Variants in UBE2O observed in about 807,000 individuals in gnomAD.
The protein encoded by UBE2O is ubiquitin conjugating enzyme E2 O, also known as (E3-independent) E2 ubiquitin-conjugating enzyme.
In UBE2O, 15 loss-of-function variants were observed where a neutral mutation model predicts 125.8. The ratio of observed to expected loss-of-function variants is 0.12; its 90% CI spans 0.08 to 0.18. The LOEUF is 0.18. Ranked by LOEUF, UBE2O falls within the 10% of genes least tolerant of loss-of-function variation. The pLI is 1.00. For missense variants in UBE2O, 1,280 were observed against 1,723.6 expected (o/e 0.74, Z 4.56); for synonymous variants, 708 against 703.2 (o/e 1.01, Z -0.11).
At chr17:76,417,766 C>T (rs1342657657) in intron 1 of UBE2O, among the ~76,000 whole-genome samples, 1 of 152,156 alleles carries the variant, frequency 6.6e-6, no homozygotes. Context: ...CCAGGCGAGA[C>T]AGGAGGAAGG....
rs1370720361 is a variant in UBE2O at position 76,391,041 on chromosome 17, G to C, written c.3781C>G (p.Leu1261Val). 1 of 1,613,872 alleles carries C rather than the reference G, an allele frequency of 6.2e-7. No individual in the cohort carries two copies. Among genetic ancestry groups the C allele is most frequent in the African/African-American group, 1.3e-5 (1 of 74,942 alleles). ...ATGCTCTTGATGAAACCCTTGGAAAGTGGGAAGAGGGGGAAGCCGATGTCA... is the reference window on the plus strand; with the variant it reads ...ATGCTCTTGATGAAACCCTTGGAAACTGGGAAGAGGGGGAAGCCGATGTCA... ...YPDIGFPLFP[L>V]SKGFIKSIRG... Residue 1261 changes from leucine to valine, a missense_variant, in exon 18 of 18, where the codon CTT becomes GTT. This residue lies in a region of UBE2O where 233 missense variants were observed against 279.0 expected (regional missense o/e 0.84). Transcript: ENST00000319380. The surrounding 1 kb of genome is among the most constrained non-coding windows in gnomAD (Gnocchi z 8.4).
chr17:76,411,339 G>A (rs1243048664), intron 1 of UBE2O, among the ~76,000 whole-genome samples: 1 of 152,180 alleles, frequency 6.6e-6, no homozygotes. Flanking sequence ...TGATTGTCAT[G>A]TCCCTGTAGG....
At chr17:76,414,139 G>A (rs940501371) in intron 1 of UBE2O, among the ~76,000 whole-genome samples, 1 of 152,176 alleles carries the variant, frequency 6.6e-6, no homozygotes, top group Non-Finnish European at 1.5e-5. Flanking sequence ...TCACATGCTT[G>A]GGGGAGGGGA....
At chr17:76,433,785 G>A (rs1351037328) in intron 1 of UBE2O, among the ~76,000 whole-genome samples, 1 of 152,012 alleles carries the variant, frequency 6.6e-6, no homozygotes, top group Admixed American at 6.5e-5. Flanking sequence ...ACTTTGGGAG[G>A]CCAAGGTAGG....
At position 76,395,414 on chromosome 17, in the gene UBE2O, G is replaced by T; in HGVS notation, c.2946+311C>A. 1 of 200,522 alleles carries T rather than the reference G, an allele frequency of 5.0e-6. No individual in the cohort carries two copies. Among genetic ancestry groups the T allele is most frequent in the Non-Finnish European group, 9.9e-6 (1 of 100,546 alleles). 12.4% of individuals were successfully genotyped at this position (200,522 alleles called of 1,614,324 possible). ...TCACTGTGTTAGCCAGGATGGTCTC[G>T]ATCTCCTGACCTCGTGATCCACCCA... On this transcript the variant is annotated intron_variant, in intron 15 of 17. Transcript: ENST00000319380. The surrounding 1 kb of genome is among the most constrained non-coding windows in gnomAD (Gnocchi z 5.0).
intron 1 of UBE2O, among the ~76,000 whole-genome samples, chr17:76,407,089 C>G (rs1373889270): frequency 6.6e-6 from 1 of 152,154 alleles, no homozygotes; most frequent in African/African-American, 2.4e-5. Context: ...CTCCTGCCGA[C>G]ATGTGGAAGG....
Position 76,399,611 on chromosome 17 carries a change from T to C in UBE2O, c.1466A>G (p.Asp489Gly), listed in dbSNP as rs1255871632. 1 of 1,614,066 alleles carries C rather than the reference T, an allele frequency of 6.2e-7. No homozygotes were observed. The highest frequency in any genetic ancestry group is 8.5e-7 in the Non-Finnish European group (1 of 1,180,032). ...DADDEAADDT[D>G]DTSSVTSSAS... ...AGAGGAGGTCACCGAACTGGTGTCG[T>C]CCGTGTCATCAGCAGCCTCATCATC... The change falls in exon 9 of 18, where the codon GAC (aspartate) becomes GGC (glycine). Residue 489 changes from aspartate to glycine, a missense_variant. By Grantham distance (94) the Asp-to-Gly change is moderately conservative. Around this residue, in one of 10 missense-constraint regions of UBE2O, gnomAD observed 145 missense variants for 219.6 expected, o/e 0.66. Coordinates refer to ENST00000319380, the MANE Select transcript of UBE2O (RefSeq NM_022066.4). This position sits in a 1 kb window ranked among gnomAD's most constrained non-coding sequence, Gnocchi z 6.9.
chr17:76,424,773 G>C (rs1023506633), intron 1 of UBE2O, among the ~76,000 whole-genome samples: 2 of 151,304 alleles, frequency 1.3e-5, no homozygotes, highest in South Asian at 2.1e-4. Flanking sequence ...AGCTATGATC[G>C]AGCCACTGCA....
Position 76,398,906 on chromosome 17 carries a change from C to A in UBE2O, c.1714G>T (p.Asp572Tyr). The change falls in exon 10 of 18, where the codon GAC becomes TAC. Residue 572 changes from aspartate to tyrosine, a missense_variant. Asp to Tyr is a radical substitution (Grantham distance 160, BLOSUM62 -3). Transcript: ENST00000319380. The surrounding 1 kb of genome is among the most constrained non-coding windows in gnomAD (Gnocchi z 5.4). Reference sequence around the variant, plus strand: ...TCCAGGTGGTGCACAGGGAAGAGGTCGTTGGAGCGGATGTTGCATTCCACG... The same window carrying A: ...TCCAGGTGGTGCACAGGGAAGAGGTAGTTGGAGCGGATGTTGCATTCCACG... ...GSVECNIRSN[D>Y]LFPVHHLDNN... 6.2e-7 allele frequency: 1 copy of A among 1,614,122 alleles called. No homozygotes were observed. The highest frequency in any genetic ancestry group is 8.5e-7 in the Non-Finnish European group (1 of 1,180,036).
Position 76,402,467 on chromosome 17 carries a change from G to T in UBE2O, c.686+135C>A. 1.3e-6 allele frequency: 1 copy of T among 786,398 alleles called. No individual in the cohort carries two copies. The highest frequency in any genetic ancestry group is 2.2e-6 in the Non-Finnish European group (1 of 451,064). The allele number at this position is 786,398 out of a possible 1,614,324, so 48.7% of individuals were successfully genotyped here. Reference sequence around the variant, plus strand: ...GGAGAACGGTACAGGGTTAGGCCCTGGATGCCTGCAACATCTGTCACTGCC... The same window carrying T: ...GGAGAACGGTACAGGGTTAGGCCCTTGATGCCTGCAACATCTGTCACTGCC... On this transcript the variant is annotated intron_variant, in intron 4 of 17. Coordinates refer to ENST00000319380, the MANE Select transcript of UBE2O (RefSeq NM_022066.4). This position sits in a 1 kb window ranked among gnomAD's most constrained non-coding sequence, Gnocchi z 5.4.
At position 76,399,066 on chromosome 17, in the gene UBE2O, C is replaced by T; in HGVS notation, c.1629-75G>A. The T allele has an allele frequency of 1.3e-6, 2 of 1,537,606 alleles. No individual in the cohort carries two copies. The highest frequency in any genetic ancestry group is 2.3e-5 in the East Asian group (1 of 43,962). ...GGAAAGGGCAGAGAGTCTTTCTGTC[C>T]CTTCCTGTCCCTGTGGGCTTGGTAA... On this transcript the variant is annotated intron_variant, in intron 9 of 17. Transcript: ENST00000319380. The surrounding 1 kb of genome is among the most constrained non-coding windows in gnomAD (Gnocchi z 6.9).
intron 1 of UBE2O, among the ~76,000 whole-genome samples, chr17:76,420,163 A>G (rs536073449): frequency 6.6e-6 from 1 of 152,312 alleles, no homozygotes; most frequent in East Asian, 1.9e-4. Context: ...CACTCTGAAA[A>G]TGCACCGTAC....
Position 76,399,937 on chromosome 17 carries a change from A to G in UBE2O, c.1156-16T>C, listed in dbSNP as rs113908307. On this transcript the variant is annotated splice_polypyrimidine_tract_variant and intron_variant, in intron 8 of 17. Coordinates refer to ENST00000319380, the MANE Select transcript of UBE2O (RefSeq NM_022066.4). This position sits in a 1 kb window ranked among gnomAD's most constrained non-coding sequence, Gnocchi z 6.9. Reference sequence around the variant, plus strand: ...GGCGCTTCACCTGCAAGGGCGGAGCAGAGAGGACAGGGCTGTGAGGTGCAC... The same window carrying G: ...GGCGCTTCACCTGCAAGGGCGGAGCGGAGAGGACAGGGCTGTGAGGTGCAC... The G allele has an allele frequency of 3.8e-5, 60 of 1,586,900 alleles. No homozygotes were observed. In the African/African-American group the frequency reaches 4.8e-4, roughly 13 times the overall value.
chr17:76,442,221 T>C (rs1037955028), intron 1 of UBE2O, among the ~76,000 whole-genome samples: 3 of 152,222 alleles, frequency 2.0e-5, no homozygotes, highest in African/African-American at 7.2e-5. Context: ...GCCAAAGTAG[T>C]AACTACAATA....
intron 1 of UBE2O, among the ~76,000 whole-genome samples, chr17:76,444,487 T>C (rs2073124335): frequency 6.6e-6 from 1 of 151,360 alleles, no homozygotes; most frequent in African/African-American, 2.4e-5. Context: ...CAGTAAGGTG[T>C]GATCACGCCA....
chr17:76,434,465 C>T (rs142897217), intron 1 of UBE2O, among the ~76,000 whole-genome samples: 277 of 152,238 alleles, frequency 1.8e-3, no homozygotes, highest in African/African-American at 6.0e-3. Flanking sequence ...GTAAAGGACA[C>T]GCCAATAGTC....
At position 76,405,911 on chromosome 17, in the gene UBE2O, C is replaced by T. The variant is rs905019519; in HGVS notation, c.418-339G>A. Among the ~76,000 whole-genome samples the T allele has an allele frequency of 6.6e-6, 1 of 152,236 alleles. No homozygotes were observed. The highest frequency in any genetic ancestry group is 1.5e-5 in the Non-Finnish European group (1 of 68,044). On this transcript the variant is annotated intron_variant, in intron 1 of 17. Transcript: ENST00000319380. This position sits in a 1 kb window ranked among gnomAD's most constrained non-coding sequence, Gnocchi z 6.1. The stretch of plus-strand genomic sequence containing the variant: ...CACTTTAATGAAGGATTTAACAGCC[C>T]ATTCTACAGAGAGCAAAACATTTGC...
chr17:76,436,506 AACAGACTATT>A (rs1347548160), intron 1 of UBE2O, among the ~76,000 whole-genome samples: 2 of 152,122 alleles, frequency 1.3e-5, no homozygotes, highest in Non-Finnish European at 2.9e-5. Flanking sequence ...GAGACTGAAG[AACAGACTATT>A]ACACCTGGGA....
Position 76,400,988 on chromosome 17 carries a change from C to T in UBE2O, c.894+23G>A, listed in dbSNP as rs373977188. The stretch of plus-strand genomic sequence containing the variant: ...GGTGTGGAGGTCAAGGACTCCATCT[C>T]CTACCCTTGGGCCCGGACCCACCTC... On this transcript the variant is annotated intron_variant, in intron 6 of 17. Transcript: ENST00000319380. This position sits in a 1 kb window ranked among gnomAD's most constrained non-coding sequence, Gnocchi z 4.3. 1.6e-4 allele frequency: 263 copies of T among 1,612,768 alleles called. No individual in the cohort carries two copies. The highest frequency in any genetic ancestry group is 2.0e-4 in the Non-Finnish European group (241 of 1,179,756).
Sources: gnomAD v4.1 joint callset for allele counts (sites outside exome capture counted in the v4.1 genomes callset) on GRCh38, gnomAD v4.1.1 for gene constraint, gnomAD v4.1.1 regional missense constraint, Gnocchi (gnomAD v3.1) non-coding constraint, MANE v1.5 for transcripts, NCBI Gene and HGNC (gene_info 2026-07-23, HGNC 2026-07-21) for gene names.